The following ALCAM variants were observed in gnomAD, a reference collection of about 807,000 sequenced individuals.
ALCAM encodes activated leukocyte cell adhesion molecule, also known as CD166 antigen.
A neutral mutation model predicts 70.9 loss-of-function variants in ALCAM; 30 were observed. The ratio of observed to expected loss-of-function variants is 0.42; its 90% CI spans 0.32 to 0.57. The LOEUF is 0.57. Ranked by LOEUF, ALCAM falls within the 20% of genes least tolerant of loss-of-function variation. The pLI is 0.11. For synonymous variants in ALCAM, 249 were observed against 242.5 expected, an observed-to-expected ratio of 1.03 and a Z score of -0.25; for missense variants, 591 against 695.1, an observed-to-expected ratio of 0.85 and a Z score of 1.68.
chr3:105,387,191 G>A (rs1335649402), intron 1 of ALCAM, among the ~76,000 whole-genome samples: 1 of 151,188 alleles, frequency 6.6e-6, no homozygotes, highest in Non-Finnish European at 1.5e-5. Flanking sequence ...CTATAGGGAA[G>A]GGCAGGCGGA....
intron 1 of ALCAM, among the ~76,000 whole-genome samples, chr3:105,506,258 G>A (rs771735884): frequency 6.6e-6 from 1 of 152,150 alleles, no homozygotes; most frequent in Non-Finnish European, 1.5e-5. Flanking sequence ...GATTCTAGGG[G>A]TGGTGTTCTT....
intron 1 of ALCAM, among the ~76,000 whole-genome samples, chr3:105,471,820 C>T (rs1385146593): frequency 6.6e-6 from 1 of 151,218 alleles, no homozygotes; most frequent in East Asian, 1.9e-4. Flanking sequence ...CATCCACTCT[C>T]TTAGCATTTT....
chr3:105,502,111 A>G (rs1938937313), intron 1 of ALCAM, among the ~76,000 whole-genome samples: 1 of 152,246 alleles, frequency 6.6e-6, no homozygotes, highest in Admixed American at 6.5e-5. Context: ...AGAAATTCCA[A>G]CTGAAAATTA....
At chr3:105,548,109 A>G (rs1940296229) in intron 11 of ALCAM, among the ~76,000 whole-genome samples, 1 of 151,476 alleles carries the variant, frequency 6.6e-6, no homozygotes, top group African/African-American at 2.4e-5. Flanking sequence ...AGGGTCATAA[A>G]CCAGACCTTA....
chr3:105,496,280 A>G (rs1321215970), intron 1 of ALCAM, among the ~76,000 whole-genome samples: 1 of 151,956 alleles, frequency 6.6e-6, no homozygotes, highest in African/African-American at 2.4e-5. Context: ...AATGCTTAAT[A>G]TATCTTTGTT....
chr3:105,535,371 T>C (rs1939945357), intron 6 of ALCAM, among the ~76,000 whole-genome samples: 1 of 152,162 alleles, frequency 6.6e-6, no homozygotes, highest in South Asian at 2.1e-4. Flanking sequence ...GCACAGAGTC[T>C]TGCCCTAAAT....
intron 1 of ALCAM, among the ~76,000 whole-genome samples, chr3:105,407,300 A>G (rs1025342300): frequency 1.4e-4 from 21 of 152,170 alleles, no homozygotes; most frequent in Admixed American, 2.6e-4. Flanking sequence ...TCCCTAATGA[A>G]CATAGATGCA....
intron 14 of ALCAM, among the ~76,000 whole-genome samples, chr3:105,568,063 A>ATTTTTT (rs71111369): frequency 1.5e-4 from 18 of 116,948 alleles, no homozygotes; most frequent in East Asian, 2.6e-4. Flanking sequence ...ATTTTATTTT[A>ATTTTTT]TTTTTTTTTT....
intron 14 of ALCAM, among the ~76,000 whole-genome samples, chr3:105,571,329 T>G (rs565812989): frequency 2.0e-4 from 31 of 152,310 alleles, no homozygotes; most frequent in African/African-American, 7.2e-4. Flanking sequence ...ATAGCTTCTG[T>G]TGTCGATGTT....
intron 1 of ALCAM, among the ~76,000 whole-genome samples, chr3:105,501,319 C>T (rs372734370): frequency 9.2e-5 from 14 of 152,256 alleles, no homozygotes; most frequent in East Asian, 5.8e-4. Context: ...TCAGTAATTC[C>T]TGAAAGTCTC....
chr3:105,374,738 G>T lies in ALCAM; in HGVS notation c.73+7257G>T, dbSNP rs184185738. 5.9e-5 allele frequency among the ~76,000 whole-genome samples: 9 copies of T among 152,138 alleles called. No individual in the cohort carries two copies. In the East Asian group the frequency reaches 1.8e-3, roughly 30 times the overall value. On this transcript the variant is annotated intron_variant, in intron 1 of 15. Transcript: ENST00000306107. ...TCACCATGTTGGCCAGGCTGGTCTG[G>T]AACTCCTGGCCTCAGGTGATCTACA...
chr3:105,573,735 C>T (rs1338280320), intron 15 of ALCAM, among the ~76,000 whole-genome samples: 2 of 152,030 alleles, frequency 1.3e-5, no homozygotes, highest in African/African-American at 2.4e-5. Flanking sequence ...TATAGCTTAC[C>T]GATATGATAT....
chr3:105,525,439 G>T (rs530982168), intron 3 of ALCAM: 2 of 828,584 alleles, frequency 2.4e-6, no homozygotes, highest in African/African-American at 3.7e-5. Flanking sequence ...TACAGGGAAC[G>T]AAACAGGTCT....
At position 105,520,057 on chromosome 3, in the gene ALCAM, T is replaced by TGC; in HGVS notation, c.74-10_74-9insGC. On this transcript the variant is annotated splice_polypyrimidine_tract_variant and intron_variant, in intron 1 of 15. Transcript: ENST00000306107. ...TTTCTCTCTTCTTCCTTTTTTTTTTTCCCCCAAAGGCCTTGGATGGTATAC... is the reference window on the plus strand; with the variant it reads ...TTTCTCTCTTCTTCCTTTTTTTTTTTGCCCCCCAAAGGCCTTGGATGGTATAC... 6.8e-7 allele frequency: 1 copy of TGC among 1,463,246 alleles called. No homozygotes were observed. Among genetic ancestry groups the TGC allele is most frequent in the Non-Finnish European group, 9.3e-7 (1 of 1,077,330 alleles). 90.6% of individuals were successfully genotyped at this position (1,463,246 alleles called of 1,614,324 possible).
intron 14 of ALCAM, among the ~76,000 whole-genome samples, chr3:105,553,551 A>G (rs1172359358): frequency 6.6e-6 from 1 of 151,840 alleles, no homozygotes; most frequent in Non-Finnish European, 1.5e-5. Context: ...CTTAAAAGAG[A>G]ATCAAAAGAA....
intron 14 of ALCAM, among the ~76,000 whole-genome samples, chr3:105,567,314 T>C (rs1940763734): frequency 6.6e-6 from 1 of 152,322 alleles, no homozygotes; most frequent in East Asian, 1.9e-4. Context: ...TTTCTCATTG[T>C]TTCTTTAAAT....
At chr3:105,430,329 C>A (rs1936898612) in intron 1 of ALCAM, among the ~76,000 whole-genome samples, 1 of 151,818 alleles carries the variant, frequency 6.6e-6, no homozygotes, top group African/African-American at 2.4e-5. Context: ...CATTTACATA[C>A]CACTTTATGT....
chr3:105,377,915 G>C (rs570172278), intron 1 of ALCAM, among the ~76,000 whole-genome samples: 15 of 151,942 alleles, frequency 9.9e-5, no homozygotes, highest in Non-Finnish European at 2.2e-4. Flanking sequence ...ACATTTTATG[G>C]GTGGTCTGAC....
Position 105,572,003 on chromosome 3 carries a change from A to G in ALCAM, c.*25+39A>G, listed in dbSNP as rs114821091. On this transcript the variant is annotated intron_variant, in intron 15 of 15. Transcript: ENST00000306107. ...ACGAGGTTCATAGAAATAATTCCCT[A>G]GCAAGTAGGAAACATCCTTAAAGAT... 7.8e-4 allele frequency: 923 copies of G among 1,178,320 alleles called. 6 individuals are homozygous for G. The African/African-American group carries it at 9.7e-3, about 12-fold the overall frequency. The allele number at this position is 1,178,320 out of a possible 1,614,324, so 73.0% of individuals were successfully genotyped here.
Sources: gnomAD v4.1 joint callset for allele counts (sites outside exome capture counted in the v4.1 genomes callset) on GRCh38, gnomAD v4.1.1 for gene constraint, MANE v1.5 for transcripts, NCBI Gene and HGNC (gene_info 2026-07-23, HGNC 2026-07-21) for gene names.